Variants in EYS observed in about 807,000 individuals in gnomAD.
EYS encodes protein eyes shut homolog.
Under a neutral mutation model 282.1 loss-of-function variants are expected in EYS, and 250 were observed. The ratio of observed to expected loss-of-function variants is 0.89; its 90% CI spans 0.80 to 0.98. The LOEUF is 0.98. EYS is among the 50% of genes least tolerant of loss of function. The pLI is 0.00. For synonymous variants in EYS, 1,355 were observed against 1,282.9 expected (o/e 1.06, Z -1.20); for missense variants, 4,016 against 3,709.0 (o/e 1.08, Z -2.15).
chr6:65,357,619 T>G (rs976726), intron 8 of EYS, among the ~76,000 whole-genome samples: 102,259 of 151,730 alleles, frequency 0.67, 34,560 homozygotes, highest in South Asian at 0.71. Flanking sequence ...ATATGGTGGA[T>G]AATATAAAAC....
chr6:65,217,406 G>T (rs1233767509), intron 12 of EYS, among the ~76,000 whole-genome samples: 1 of 151,968 alleles, frequency 6.6e-6, no homozygotes, highest in Non-Finnish European at 1.5e-5. Flanking sequence ...GAAATTATAT[G>T]ATCACTTATA....
At chr6:64,321,859 T>C (rs779439951) in intron 29 of EYS, among the ~76,000 whole-genome samples, 28 of 152,068 alleles carry the variant, frequency 1.8e-4, no homozygotes, top group South Asian at 1.2e-3. Flanking sequence ...CTTTAGCAAC[T>C]TAGTGACAAA....
intron 35 of EYS, among the ~76,000 whole-genome samples, chr6:63,970,702 C>T (rs1168481098): frequency 6.6e-6 from 1 of 151,832 alleles, no homozygotes; most frequent in Non-Finnish European, 1.5e-5. Context: ...GTCCTTCTCC[C>T]TAGTGCTGAA....
At chr6:65,632,364 A>C (rs1346563078) in intron 2 of EYS, among the ~76,000 whole-genome samples, 1 of 152,184 alleles carries the variant, frequency 6.6e-6, no homozygotes, top group African/African-American at 2.4e-5. Flanking sequence ...ATAAAATTCA[A>C]AATCAATGTC....
intron 29 of EYS, among the ~76,000 whole-genome samples, chr6:64,385,014 T>C (rs1772864458): frequency 6.6e-6 from 1 of 152,192 alleles, no homozygotes; most frequent in African/African-American, 2.4e-5. Flanking sequence ...TCAACTATAG[T>C]TCTTTTCCTT....
chr6:65,004,862 A>C (rs1034599116), intron 13 of EYS, among the ~76,000 whole-genome samples: 10 of 147,896 alleles, frequency 6.8e-5, no homozygotes, highest in African/African-American at 2.4e-4. Flanking sequence ...TGCTTCATCT[A>C]ACAAAGTACC....
chr6:64,567,176 G>T (rs1262039026), intron 26 of EYS, among the ~76,000 whole-genome samples: 1 of 151,736 alleles, frequency 6.6e-6, no homozygotes, highest in Non-Finnish European at 1.5e-5. Context: ...TACCAAAAAT[G>T]CAATAACGCA....
intron 5 of EYS, among the ~76,000 whole-genome samples, chr6:65,432,930 TTTTG>T (rs149212698): frequency 0.025 from 3,839 of 152,208 alleles, 78 homozygotes; most frequent in Non-Finnish European, 0.035. Context: ...ACTGCAAGGT[TTTTG>T]TTTGTTTTTT....
chr6:64,202,207 T>A (rs1179474432), intron 31 of EYS, among the ~76,000 whole-genome samples: 1 of 152,202 alleles, frequency 6.6e-6, no homozygotes, highest in Non-Finnish European at 1.5e-5. Flanking sequence ...CCTTTGTTGG[T>A]TTCTTTCATA....
At chr6:63,961,658 G>A (rs960715277) in intron 35 of EYS, among the ~76,000 whole-genome samples, 6 of 152,062 alleles carry the variant, frequency 3.9e-5, no homozygotes, top group South Asian at 2.1e-4. Context: ...ACATGGACAC[G>A]TATGACAGAA....
intron 5 of EYS, among the ~76,000 whole-genome samples, chr6:65,440,988 A>G (rs369208453): frequency 1.4e-5 from 2 of 141,430 alleles, no homozygotes; most frequent in Admixed American, 7.5e-5. Flanking sequence ...ATATATATCT[A>G]TATATATTAA....
chr6:63,981,294 C>T (rs1362545418), intron 35 of EYS, among the ~76,000 whole-genome samples: 1 of 151,706 alleles, frequency 6.6e-6, no homozygotes, highest in Non-Finnish European at 1.5e-5. Flanking sequence ...TAATCTCCTC[C>T]GTGGTCCTAT....
chr6:63,955,427 A>G (rs1396770239), intron 35 of EYS, among the ~76,000 whole-genome samples: 2 of 151,962 alleles, frequency 1.3e-5, no homozygotes, highest in Non-Finnish European at 2.9e-5. Context: ...CAATACTTTC[A>G]CCCTGATGAA....
At chr6:64,003,886 A>G (rs1161443994) in intron 33 of EYS, among the ~76,000 whole-genome samples, 1 of 152,186 alleles carries the variant, frequency 6.6e-6, no homozygotes, top group African/African-American at 2.4e-5. Context: ...CCTTCCTGCC[A>G]TCACATGAAG....
chr6:64,847,827 C>A (rs1204467203), intron 19 of EYS, among the ~76,000 whole-genome samples: 2 of 151,940 alleles, frequency 1.3e-5, no homozygotes, highest in African/African-American at 4.8e-5. Flanking sequence ...TCTTGTTTAC[C>A]TTCTTACCCT....
intron 13 of EYS, among the ~76,000 whole-genome samples, chr6:65,050,692 A>C (rs9345593): frequency 0.066 from 10,059 of 151,618 alleles, 418 homozygotes; most frequent in East Asian, 0.15. Flanking sequence ...GCATCTGTAG[A>C]TCCCCATTGT....
At chr6:64,506,099 A>G (rs1348393542) in intron 26 of EYS, among the ~76,000 whole-genome samples, 4 of 152,222 alleles carry the variant, frequency 2.6e-5, no homozygotes, top group Non-Finnish European at 5.9e-5. Flanking sequence ...TTATTCTTTC[A>G]TAGAATTATG....
chr6:65,555,263 T>G lies in EYS; in HGVS notation c.-332-59270A>C, dbSNP rs543464343. On this transcript the variant is annotated intron_variant, in intron 2 of 42. Transcript: ENST00000503581. ...ATTCTACTTTGTGAAATAAACTGAA[T>G]TTACTTCACACCATTACTAGCAATT... 8.9e-4 allele frequency among the ~76,000 whole-genome samples: 135 copies of G among 152,216 alleles called. 5 individuals carry two copies. The South Asian group carries it at 0.023, about 26-fold the overall frequency.
chr6:65,566,943 T>A (rs775093021), intron 2 of EYS, among the ~76,000 whole-genome samples: 4 of 152,128 alleles, frequency 2.6e-5, no homozygotes, highest in Admixed American at 6.6e-5. Flanking sequence ...TAGCACATCA[T>A]CATGATTTTA....
Sources: allele counts gnomAD v4.1 joint callset (sites outside exome capture counted in the v4.1 genomes callset), GRCh38; gene constraint gnomAD v4.1.1; transcripts MANE v1.5; gene names NCBI Gene and HGNC (gene_info 2026-07-23, HGNC 2026-07-21).